The following HSD17B4 variants were observed in gnomAD, a reference collection of about 807,000 sequenced individuals.
HSD17B4 encodes the protein peroxisomal multifunctional enzyme type 2.
A neutral mutation model predicts 101.0 loss-of-function variants in HSD17B4; 70 were observed. That is an observed-to-expected ratio of 0.69 (90% CI 0.57 to 0.85). The LOEUF is 0.85. Among genes scored for constraint, HSD17B4 ranks in the 40% least tolerant of loss-of-function variants. HSD17B4 has a pLI of 0.00. For missense variants in HSD17B4, 984 were observed against 892.4 expected (o/e 1.10, Z -1.31); for synonymous variants, 347 against 297.1 (o/e 1.17, Z -1.73).
Position 119,476,799 on chromosome 5 carries a change from G to A in HSD17B4, c.350-618G>A, listed in dbSNP as rs923226107. On this transcript the variant is annotated intron_variant, in intron 6 of 23. Transcript: ENST00000510025. ...CTTCTCCCTCTCTTTCTTTTTTTTA[G>A]TTCCTTTTTTCACTCTTACATTCTT... is the stretch of plus-strand genomic sequence containing the variant. The A allele has an allele frequency of 8.8e-6, 6 of 682,980 alleles. No individual in the cohort carries two copies. The African/African-American group carries it at 9.9e-5, about 11-fold the overall frequency. The allele number at this position is 682,980 out of a possible 1,614,324, so 42.3% of individuals were successfully genotyped here. A position where few individuals can be genotyped will look rare whatever the true frequency, so the allele number is the denominator to read the frequency against.
chr5:119,510,047 T>C (rs1181606338), intron 16 of HSD17B4, among the ~76,000 whole-genome samples: 4 of 152,222 alleles, frequency 2.6e-5, no homozygotes, highest in African/African-American at 9.6e-5. Context: ...ATATTGATCT[T>C]ATATTACCAT....
At position 119,542,103 on chromosome 5, in the gene HSD17B4, C is replaced by T; in HGVS notation, c.*109C>T. 1 of 759,188 alleles carries T rather than the reference C, an allele frequency of 1.3e-6. No individual in the cohort carries two copies. The highest frequency in any genetic ancestry group is 2.3e-6 in the Non-Finnish European group (1 of 430,026). 47.0% of individuals were successfully genotyped at this position (759,188 alleles called of 1,614,324 possible). ...TAGAACTAAGATGCAGGGGAAATTG[C>T]TTAACATTTTCAGATATCAGATAAC... On this transcript the variant is annotated 3_prime_UTR_variant, in exon 24 of 24. Transcript: ENST00000510025.
intron 16 of HSD17B4, among the ~76,000 whole-genome samples, chr5:119,512,121 A>G (rs567185578): frequency 1.1e-4 from 16 of 152,328 alleles, no homozygotes; most frequent in African/African-American, 3.6e-4. Context: ...GAAAGAATCA[A>G]AAAAGCTTAA....
At chr5:119,457,621 C>T (rs1754804912) in intron 2 of HSD17B4, among the ~76,000 whole-genome samples, 1 of 152,164 alleles carries the variant, frequency 6.6e-6, no homozygotes, top group Non-Finnish European at 1.5e-5. Flanking sequence ...AAGAATAGCT[C>T]ATGTTGAGGC....
chr5:119,519,297 C>A (rs752626634), intron 17 of HSD17B4, among the ~76,000 whole-genome samples: 35 of 152,248 alleles, frequency 2.3e-4, no homozygotes, highest in African/African-American at 7.9e-4. Flanking sequence ...AAAATGAGAA[C>A]AAATATCCAT....
intron 14 of HSD17B4, among the ~76,000 whole-genome samples, chr5:119,503,853 G>T (rs1304146383): frequency 6.6e-6 from 1 of 151,848 alleles, no homozygotes; most frequent in Non-Finnish European, 1.5e-5. Flanking sequence ...TGTATTGTGT[G>T]ATGCTAAACT....
chr5:119,491,706 A>G (rs1750124837), intron 9 of HSD17B4, among the ~76,000 whole-genome samples: 1 of 152,150 alleles, frequency 6.6e-6, no homozygotes, highest in African/African-American at 2.4e-5. Flanking sequence ...ATGATATGCT[A>G]GGCAGTGTAC....
chr5:119,525,639 A>G (rs1667902572), intron 18 of HSD17B4: 1 of 524,400 alleles, frequency 1.9e-6, no homozygotes, highest in African/African-American at 1.9e-5. Flanking sequence ...AGTACCCTGG[A>G]TGATTTCATG....
intron 2 of HSD17B4, among the ~76,000 whole-genome samples, chr5:119,469,220 G>A (rs779797932): frequency 2.7e-5 from 4 of 149,396 alleles, no homozygotes; most frequent in African/African-American, 9.8e-5. Context: ...CAGGAATTTC[G>A]TAGATTTTCT....
At position 119,466,972 on chromosome 5, in the gene HSD17B4, G is replaced by T. The variant is rs577684873; in HGVS notation, c.113-6936G>T. Among the ~76,000 whole-genome samples, 6 of 152,100 alleles carry T rather than the reference G, an allele frequency of 3.9e-5. No individual in the cohort carries two copies. In the East Asian group the frequency reaches 1.2e-3, roughly 29 times the overall value. On this transcript the variant is annotated intron_variant, in intron 2 of 23. Coordinates refer to ENST00000510025, the MANE Select transcript of HSD17B4 (RefSeq NM_000414.4). Reference sequence around the variant, plus strand: ...TGTATTTCATAGGCTTTGGTATATTGTGTTTTTATTTTCATTTGTTTCAAG... The same window carrying T: ...TGTATTTCATAGGCTTTGGTATATTTTGTTTTTATTTTCATTTGTTTCAAG...
intron 10 of HSD17B4, chr5:119,492,570 A>G (rs1477580959): frequency 5.9e-6 from 1 of 168,146 alleles, no homozygotes; most frequent in East Asian, 1.5e-4. Context: ...ATTTTCTTCC[A>G]TGAAGCAGGA....
intron 22 of HSD17B4, among the ~76,000 whole-genome samples, chr5:119,533,903 A>G (rs1050299083): frequency 6.6e-6 from 1 of 152,150 alleles, no homozygotes; most frequent in Non-Finnish European, 1.5e-5. Context: ...CAAAATGAAT[A>G]TCATAGAATT....
chr5:119,480,086 C>T (rs528662761), intron 8 of HSD17B4, among the ~76,000 whole-genome samples: 1 of 152,200 alleles, frequency 6.6e-6, no homozygotes, highest in African/African-American at 2.4e-5. Flanking sequence ...TACCTAGTGA[C>T]ATATGTTATT....
chr5:119,505,541 CTTGAATA>C (rs1213073209), intron 14 of HSD17B4, among the ~76,000 whole-genome samples: 4 of 152,062 alleles, frequency 2.6e-5, no homozygotes, highest in Non-Finnish European at 5.9e-5. Context: ...TGGCTCTCAG[CTTGAATA>C]TTGTTGGTGT....
intron 8 of HSD17B4, among the ~76,000 whole-genome samples, chr5:119,486,248 G>A (rs1249958072): frequency 6.6e-6 from 1 of 152,072 alleles, no homozygotes; most frequent in Non-Finnish European, 1.5e-5. Context: ...GTCCTATCCT[G>A]TTGATCACAC....
chr5:119,477,602 AC>A (rs1422199795), intron 7 of HSD17B4, 101 bp downstream of exon 7: 12 of 846,002 alleles, frequency 1.4e-5, no homozygotes, highest in Non-Finnish European at 2.3e-5. Context: ...ATGATTTATG[AC>A]ATTGAGGAAT....
At chr5:119,497,560 G>A (rs1213605553) in intron 12 of HSD17B4, among the ~76,000 whole-genome samples, 5 of 152,174 alleles carry the variant, frequency 3.3e-5, no homozygotes, top group African/African-American at 1.2e-4. Flanking sequence ...GAGGTTATAT[G>A]CTCCCAGGTT....
In HSD17B4 at chr5:119,506,876, G is replaced by T; in HGVS notation, c.1320G>T (p.Val440=). Residue 440 remains valine (V), a synonymous_variant, in exon 15 of 24, where the codon GTG becomes GTT. Transcript: ENST00000510025. ...ADVLDKGSGV[V]IIMDVYSYSE... is the part of the protein sequence containing the mutation. ...TCCTAGATAAAGGATCCGGTGTAGT[G>T]ATTATTATGGATGGTAATTTATTTA... 6.6e-7 allele frequency: 1 copy of T among 1,514,250 alleles called. No homozygotes were observed. The highest frequency in any genetic ancestry group is 1.1e-5 in the South Asian group (1 of 88,478). The allele number at this position is 1,514,250 out of a possible 1,614,324, so 93.8% of individuals were successfully genotyped here.
chr5:119,527,253 C>T (rs1325404073), intron 20 of HSD17B4, 34 bp downstream of exon 20: 10 of 1,157,410 alleles, frequency 8.6e-6, no homozygotes, highest in Non-Finnish European at 1.3e-5. Context: ...TTCTCACATG[C>T]TTTATCATTG....
Sources: gnomAD v4.1 joint callset for allele counts (sites outside exome capture counted in the v4.1 genomes callset) on GRCh38, gnomAD v4.1.1 for gene constraint, MANE v1.5 for transcripts, NCBI Gene and HGNC (gene_info 2026-07-23, HGNC 2026-07-21) for gene names.